Variants in EIF4A3 observed in about 807,000 individuals in gnomAD.
The protein encoded by EIF4A3 is eukaryotic initiation factor 4A-III.
EIF4A3 carries 1 observed loss-of-function variant against 55.6 expected under a neutral mutation model. That is an observed-to-expected ratio of 0.02 (90% CI 0.01 to 0.09). EIF4A3 has a LOEUF of 0.09. Ranked by LOEUF, EIF4A3 falls within the 10% of genes least tolerant of loss-of-function variation. The pLI, the probability that EIF4A3 is intolerant of heterozygous loss-of-function variation, is 1.00. For missense variants in EIF4A3, 221 were observed against 540.7 expected, an observed-to-expected ratio of 0.41 and a Z score of 5.86; for synonymous variants, 194 against 196.3, an observed-to-expected ratio of 0.99 and a Z score of 0.10.
In EIF4A3 at chr17:80,144,234, T is replaced by C; in HGVS notation, c.180A>G (p.Lys60=). The C allele has an allele frequency of 1.2e-6, 2 of 1,613,776 alleles. No homozygotes were observed. The highest frequency in any genetic ancestry group is 1.1e-5 in the South Asian group (1 of 91,066). The change falls in exon 2 of 12, where the codon AAA becomes AAG. Residue 60 remains lysine (K), a synonymous_variant. Coordinates refer to ENST00000649764, the MANE Select transcript of EIF4A3 (RefSeq NM_014740.4). The part of the protein sequence containing the change: ...LRGIYAYGFE[K]PSAIQQRAIK... ...TTGCTCGTTGCTGGATTGCTGATGG[T>C]TTTTCAAAACCTGCAAATAAAAACA...
intron 3 of EIF4A3, 36 bp from the exon 4 acceptor site, chr17:80,141,417 C>A (rs2039617732): frequency 1.3e-6 from 2 of 1,597,654 alleles, no homozygotes; most frequent in African/African-American, 1.3e-5. Flanking sequence ...AGAGAATCCG[C>A]AGTATTATCA....
rs373315661 is a variant in EIF4A3, at chr17:80,139,116, G to C, written c.633C>G (p.Ala211=). The change falls in exon 7 of 12, where the codon GCC becomes GCG. Residue 211 remains alanine (A), a synonymous_variant. Transcript: ENST00000649764. ...IYDVYRYLPP[A]TQVVLISATL... ...TGGCACTGATGAGAACCACCTGTGT[G>C]GCTGGAGGCAGGTACCTGTATACAT... 4 of 1,614,074 alleles carry C rather than the reference G, an allele frequency of 2.5e-6. No homozygotes were observed. Among genetic ancestry groups the C allele is most frequent in the Admixed American group, 3.3e-5 (2 of 59,996 alleles).
At chr17:80,137,702 A>C in intron 8 of EIF4A3, 1 of 539,360 alleles carries the variant, frequency 1.9e-6, no homozygotes, top group South Asian at 2.3e-5. Flanking sequence ...CTCTTACTTC[A>C]TTTTCTCCAT....
Position 80,147,123 on chromosome 17 carries a change from C to A in EIF4A3, c.-162G>T. On this transcript the variant is annotated 5_prime_UTR_variant, in exon 1 of 12. Transcript: ENST00000649764. ...GACCTCGCTGTGCCGCTGCCGACCT[C>A]GCTGTGCCGCTGCCGAGAACAGACG... 9.6e-7 allele frequency: 1 copy of A among 1,038,248 alleles called. No homozygotes were observed. Among genetic ancestry groups the A allele is most frequent in the Non-Finnish European group, 1.3e-6 (1 of 770,462 alleles). 64.3% of individuals were successfully genotyped at this position (1,038,248 alleles called of 1,614,324 possible). A position where few individuals can be genotyped will look rare whatever the true frequency, so the allele number is the denominator to read the frequency against.
At chr17:80,143,563 C>T (rs1412322033) in intron 2 of EIF4A3, among the ~76,000 whole-genome samples, 2 of 152,216 alleles carry the variant, frequency 1.3e-5, no homozygotes, top group African/African-American at 4.8e-5. Context: ...CAGAAGTCTT[C>T]TTCTGTGCTG....
Position 80,137,398 on chromosome 17 carries a change from C to A in EIF4A3, c.971G>T (p.Arg324Leu), listed in dbSNP as rs768473409. The A allele has an allele frequency of 6.2e-7, 1 of 1,613,620 alleles. No individual in the cohort carries two copies. The highest frequency in any genetic ancestry group is 1.7e-5 in the Admixed American group (1 of 59,966). Reference sequence around the variant, plus strand: ...ATAGCAGACCCACCTGGCGCCCGACCGGAACTCCTTCATGATGGACTCCCG... The same window carrying A: ...ATAGCAGACCCACCTGGCGCCCGACAGGAACTCCTTCATGATGGACTCCCG... ...KERESIMKEF[R>L]SGASRVLIST... The change falls in exon 9 of 12, where the codon CGG (arginine) becomes CTG (leucine). Residue 324 changes from arginine (R) to leucine (L), a missense_variant. Physicochemically the swap from Arg to Leu is moderately radical, Grantham distance 102 (BLOSUM62 -2). Around this residue, in one of 4 missense-constraint regions of EIF4A3, gnomAD observed 93 missense variants for 278.5 expected, o/e 0.33. Coordinates refer to ENST00000649764, the MANE Select transcript of EIF4A3 (RefSeq NM_014740.4).
chr17:80,139,975 GGCA>G, intron 5 of EIF4A3, 30 bp downstream of exon 5: 5 of 1,602,278 alleles, frequency 3.1e-6, no homozygotes, highest in Non-Finnish European at 4.3e-6. Flanking sequence ...AAATACTACC[GGCA>G]GCACCATTTT....
intron 1 of EIF4A3, among the ~76,000 whole-genome samples, chr17:80,146,568 G>A (rs887832780): frequency 6.6e-6 from 1 of 151,846 alleles, no homozygotes; most frequent in Non-Finnish European, 1.5e-5. Context: ...CAGACCCAGC[G>A]CCGAGCTCTG....
chr17:80,138,827 A>T, intron 7 of EIF4A3, 194 bp downstream of exon 7: 2 of 721,900 alleles, frequency 2.8e-6, no homozygotes, highest in Non-Finnish European at 4.4e-6. Flanking sequence ...TTTTTAAAAC[A>T]GGAATTTTAA....
intron 4 of EIF4A3, 173 bp from the exon 5 acceptor site, chr17:80,140,313 CTTT>C (rs34707524): frequency 0.042 from 17,446 of 416,648 alleles, 1 homozygote; most frequent in East Asian, 0.076. Flanking sequence ...GTTAATTTTG[CTTT>C]TTTTTTTTTT....
At chr17:80,136,551 T>C (rs1470140288) in intron 9 of EIF4A3, 2 of 558,576 alleles carry the variant, frequency 3.6e-6, no homozygotes, top group Non-Finnish European at 3.2e-6. Flanking sequence ...ACTTCGGTCA[T>C]GTGCTCCATC....
chr17:80,146,100 T>A (rs1174888537), intron 1 of EIF4A3, among the ~76,000 whole-genome samples: 2 of 152,160 alleles, frequency 1.3e-5, no homozygotes, highest in African/African-American at 2.4e-5. Context: ...TTCGTCACCC[T>A]ACACGTCTTT....
rs886629974 is a variant in EIF4A3, at chr17:80,134,375, C to T, written c.*1115G>A. Among the ~76,000 whole-genome samples the T allele has an allele frequency of 2.0e-5, 3 of 152,094 alleles. No homozygotes were observed. Among genetic ancestry groups the T allele is most frequent in the Admixed American group, 1.3e-4 (2 of 15,274 alleles). On this transcript the variant is annotated 3_prime_UTR_variant, in exon 12 of 12. Coordinates refer to ENST00000649764, the MANE Select transcript of EIF4A3 (RefSeq NM_014740.4). ...CAGGTAATTACTTTAAATATTTCAACAGATAACTTAAATACTTTAATAATT... is the reference window on the plus strand; with the variant it reads ...CAGGTAATTACTTTAAATATTTCAATAGATAACTTAAATACTTTAATAATT...
intron 10 of EIF4A3, 31 bp downstream of exon 10, chr17:80,136,197 G>A (rs1403462220): frequency 6.2e-7 from 1 of 1,613,020 alleles, no homozygotes; most frequent in Non-Finnish European, 8.5e-7. Flanking sequence ...ATGTGTCACA[G>A]AAGTGAAGCC....
intron 5 of EIF4A3, 44 bp downstream of exon 5, chr17:80,139,964 C>T (rs1179865928): frequency 3.1e-6 from 5 of 1,594,648 alleles, no homozygotes; most frequent in African/African-American, 2.7e-5. Flanking sequence ...GCACTTCTTA[C>T]AAATACTACC....
At chr17:80,137,115 C>A in intron 9 of EIF4A3, 1 of 328,316 alleles carries the variant, frequency 3.0e-6, no homozygotes, top group Admixed American at 4.8e-5. Context: ...ACAGAAAACC[C>A]CCCTACTTAC....
chr17:80,146,617 C>A (rs1007096828), intron 1 of EIF4A3, among the ~76,000 whole-genome samples, 176 bp downstream of exon 1: 12 of 152,104 alleles, frequency 7.9e-5, no homozygotes, highest in African/African-American at 2.7e-4. Context: ...CACAGCCAGG[C>A]GTGAGGGCGA....
intron 8 of EIF4A3, chr17:80,137,711 A>C: frequency 1.9e-6 from 1 of 539,514 alleles, no homozygotes; most frequent in Non-Finnish European, 3.3e-6. Flanking sequence ...CATTTTCTCC[A>C]TATAATGACT....
In EIF4A3 at chr17:80,144,247, G is replaced by A; in HGVS notation, c.170-3C>T. ...GATTGCTGATGGTTTTTCAAAACCT[G>A]CAAATAAAAACAAAAAATTAGCCCT... is the stretch of plus-strand genomic sequence containing the variant. On this transcript the variant is annotated splice_region_variant and splice_polypyrimidine_tract_variant and intron_variant, in intron 1 of 11. Coordinates refer to ENST00000649764, the MANE Select transcript of EIF4A3 (RefSeq NM_014740.4). 1 of 1,613,898 alleles carries A rather than the reference G, an allele frequency of 6.2e-7. No homozygotes were observed. Among genetic ancestry groups the A allele is most frequent in the Non-Finnish European group, 8.5e-7 (1 of 1,179,966 alleles).
Sources: allele counts gnomAD v4.1 joint callset (sites outside exome capture counted in the v4.1 genomes callset), GRCh38; gene constraint gnomAD v4.1.1; regional missense constraint gnomAD v4.1.1; transcripts MANE v1.5; gene names NCBI Gene and HGNC (gene_info 2026-07-23, HGNC 2026-07-21).